The following SPEN variants were observed in gnomAD, a reference collection of about 807,000 sequenced individuals.
SPEN encodes spen family transcriptional repressor, also known as msx2-interacting protein.
In SPEN, 18 loss-of-function variants were observed where a neutral mutation model predicts 269.9. The ratio of observed to expected loss-of-function variants is 0.07; its 90% CI spans 0.05 to 0.10. SPEN has a LOEUF of 0.10. SPEN is among the 10% of genes least tolerant of loss of function. The pLI is 1.00. For missense variants in SPEN, 3,822 were observed against 4,631.2 expected (o/e 0.83, Z 5.07); for synonymous variants, 1,726 against 1,765.7 (o/e 0.98, Z 0.56).
rs1194015990 is a variant in SPEN at position 15,910,297 on chromosome 1, C to T, written c.1043-804C>T. ...AAAATTGGCTTGCCTTTCTATACAC[C>T]TTTTATATTTCTAATAAAGCAAATT... On this transcript the variant is annotated intron_variant, in intron 4 of 14. Transcript: ENST00000375759. 2.0e-5 allele frequency among the ~76,000 whole-genome samples: 3 copies of T among 151,964 alleles called. No homozygotes were observed. The East Asian group carries it at 5.8e-4, about 29-fold the overall frequency.
At chr1:15,867,436 A>T (rs532292393) in intron 1 of SPEN, among the ~76,000 whole-genome samples, 6 of 152,044 alleles carry the variant, frequency 3.9e-5, no homozygotes, top group Non-Finnish European at 8.8e-5. Flanking sequence ...GAGCTCAAGC[A>T]ATCTGCCCAC....
chr1:15,928,914 G>T lies in SPEN; in HGVS notation c.2674G>T (p.Asp892Tyr). 1 of 1,614,214 alleles carries T rather than the reference G, an allele frequency of 6.2e-7. No homozygotes were observed. The highest frequency in any genetic ancestry group is 8.5e-7 in the Non-Finnish European group (1 of 1,180,038). Residue 892 changes from aspartate to tyrosine, a missense_variant, in exon 11 of 15, where the codon GAC (aspartate) becomes TAC (tyrosine). By Grantham distance (160) the Asp-to-Tyr change is radical (BLOSUM62 -3). This residue lies in a region of SPEN where 572 missense variants were observed against 582.6 expected (regional missense o/e 0.98). Transcript: ENST00000375759. The surrounding 1 kb of genome is among the most constrained non-coding windows in gnomAD (Gnocchi z 5.7). ...GAAAGAGAAAGAGGGAAAGGTCATT[G>T]ACCACACTCCTGTGGAAAAGTTGAA... ...RVKEKEGKVI[D>Y]HTPVEKLKAK...
At chr1:15,912,249 C>T (rs1006368939) in intron 5 of SPEN, among the ~76,000 whole-genome samples, 2 of 152,194 alleles carry the variant, frequency 1.3e-5, no homozygotes, top group African/African-American at 4.8e-5. Context: ...GCCTGCAGTA[C>T]TTGTTTAAAA....
chr1:15,938,448 G>A, intron 13 of SPEN: 1 of 366,130 alleles, frequency 2.7e-6, no homozygotes, highest in South Asian at 3.7e-5. Context: ...GCAATGAAGG[G>A]TCCACTATGC....
rs768190118 is a variant in SPEN, at chr1:15,932,549, G to C, written c.6309G>C (p.Arg2103Ser). Residue 2103 changes from arginine (R) to serine (S), a missense_variant, in exon 11 of 15, where the codon AGG becomes AGC. By Grantham distance (110) the Arg-to-Ser change is moderately radical. This residue lies in a region of SPEN where 727 missense variants were observed against 737.9 expected (regional missense o/e 0.99). Transcript: ENST00000375759. This position sits in a 1 kb window ranked among gnomAD's most constrained non-coding sequence, Gnocchi z 4.2. ...ATGTGGATGCTGCTGTCAGTCCCAGGGGGGCTGCAGCACAGGCAGGGGAGA... is the reference window on the plus strand; with the variant it reads ...ATGTGGATGCTGCTGTCAGTCCCAGCGGGGCTGCAGCACAGGCAGGGGAGA... ...LKNVDAAVSP[R>S]GAAAQAGERE... is the part of the protein sequence containing the mutation. 4 of 1,599,852 alleles carry C rather than the reference G, an allele frequency of 2.5e-6. No individual in the cohort carries two copies. The highest frequency in any genetic ancestry group is 1.1e-5 in the South Asian group (1 of 89,560).
chr1:15,875,020 T>G (rs940734676), intron 2 of SPEN, among the ~76,000 whole-genome samples: 8 of 152,154 alleles, frequency 5.3e-5, no homozygotes, highest in African/African-American at 1.9e-4. Flanking sequence ...AGATTCTAAT[T>G]CTTTATGTTT....
intron 2 of SPEN, chr1:15,874,487 C>T (rs1410224211): frequency 2.0e-6 from 2 of 976,134 alleles, no homozygotes; most frequent in African/African-American, 3.4e-5. Flanking sequence ...GTATTTAGTA[C>T]TAATAGTGAA....
chr1:15,878,016 A>G (rs957623500), intron 3 of SPEN, among the ~76,000 whole-genome samples: 3 of 152,064 alleles, frequency 2.0e-5, no homozygotes, highest in Non-Finnish European at 4.4e-5. Flanking sequence ...GAGTGTTGGG[A>G]TTACCAGTGT....
intron 10 of SPEN, among the ~76,000 whole-genome samples, chr1:15,926,592 CA>C (rs2071170107): frequency 6.6e-6 from 1 of 151,918 alleles, no homozygotes; most frequent in Admixed American, 6.5e-5. Context: ...ATTCTTTCAA[CA>C]AATAGTTGAG....
rs1557762276 is a variant in SPEN, at chr1:15,934,808, C to G, written c.8568C>G (p.Val2856=). Residue 2856 remains valine (V), a synonymous_variant, in exon 11 of 15, where the codon GTC becomes GTG. Transcript: ENST00000375759. This position sits in a 1 kb window ranked among gnomAD's most constrained non-coding sequence, Gnocchi z 9.2. ...EFQQSVSKSQ[V]KPDSVTASQP... ...AGCAGTCAGTGTCCAAGTCCCAGGT[C>G]AAACCTGATTCTGTCACAGCATCGC... 2 of 1,614,200 alleles carry G rather than the reference C, an allele frequency of 1.2e-6. No homozygotes were observed. Among genetic ancestry groups the G allele is most frequent in the Non-Finnish European group, 1.7e-6 (2 of 1,180,028 alleles).
intron 3 of SPEN, among the ~76,000 whole-genome samples, chr1:15,908,606 A>G (rs1193028009): frequency 1.3e-5 from 2 of 152,084 alleles, no homozygotes; most frequent in Non-Finnish European, 2.9e-5. Flanking sequence ...TATTTTTAGT[A>G]GAGACGGGTT....
intron 3 of SPEN, among the ~76,000 whole-genome samples, chr1:15,898,960 T>TC (rs1445895266): frequency 6.6e-6 from 1 of 152,190 alleles, no homozygotes; most frequent in African/African-American, 2.4e-5. Context: ...TTGGGTTGCT[T>TC]CCACCTTTTG....
At chr1:15,850,688 A>T (rs191754273) in intron 1 of SPEN, among the ~76,000 whole-genome samples, 91 of 152,338 alleles carry the variant, frequency 6.0e-4, no homozygotes, top group African/African-American at 2.2e-3. Context: ...ATTGTGGGAT[A>T]TATTTTGTAA....
At chr1:15,888,098 T>C in intron 3 of SPEN, among the ~76,000 whole-genome samples, 1 of 151,738 alleles carries the variant, frequency 6.6e-6, no homozygotes, top group Non-Finnish European at 1.5e-5. Flanking sequence ...ACAAATTTTA[T>C]TTTATTTTAT....
chr1:15,909,627 G>C (rs537400106), intron 4 of SPEN, 146 bp downstream of exon 4: 4 of 881,926 alleles, frequency 4.5e-6, no homozygotes, highest in Non-Finnish European at 6.9e-6. Context: ...GGAAAGCCAT[G>C]AATAATGGAA....
chr1:15,919,058 G>A lies in SPEN; in HGVS notation c.1521+7G>A. The A allele has an allele frequency of 6.2e-7, 1 of 1,604,026 alleles. No homozygotes were observed. The highest frequency in any genetic ancestry group is 1.3e-5 in the African/African-American group (1 of 74,524). On this transcript the variant is annotated splice_region_variant and intron_variant, in intron 7 of 14. Coordinates refer to ENST00000375759, the MANE Select transcript of SPEN (RefSeq NM_015001.3). The stretch of plus-strand genomic sequence containing the variant: ...TGGAAATAATCGCCTCAAGGTAAAT[G>A]AATTTGCATAAATTATTGTGCTGTT...
At position 15,862,721 on chromosome 1, in the gene SPEN, C is replaced by T. The variant is rs544470719; in HGVS notation, c.84-10095C>T. Among the ~76,000 whole-genome samples, 10 of 150,184 alleles carry T rather than the reference C, an allele frequency of 6.7e-5. No homozygotes were observed. In the South Asian group the frequency reaches 8.4e-4, roughly 13 times the overall value. On this transcript the variant is annotated intron_variant, in intron 1 of 14. Transcript: ENST00000375759. ...TGTATGTGCATAAATAATTTTTTTTCGGTGAAGTGCGGGTAGCTCATGCCT... is the reference window on the plus strand; with the variant it reads ...TGTATGTGCATAAATAATTTTTTTTTGGTGAAGTGCGGGTAGCTCATGCCT...
At chr1:15,854,556 C>G (rs556911816) in intron 1 of SPEN, among the ~76,000 whole-genome samples, 43 of 152,044 alleles carry the variant, frequency 2.8e-4, no homozygotes, top group Middle Eastern at 3.4e-3. Flanking sequence ...GGTGCTATCT[C>G]GGCTCACCGC....
At position 15,847,814 on chromosome 1, in the gene SPEN, G is replaced by C. The variant is rs899535440; in HGVS notation, c.-254G>C. ...CCCGCCCGCCCCTGCCCGGGCGCAT[G>C]CGCTGCCGGAGCGCGAGGGTCGGCT... On this transcript the variant is annotated 5_prime_UTR_variant, in exon 1 of 15. The change abolishes an upstream ATG in the 5' untranslated region. Coordinates refer to ENST00000375759, the MANE Select transcript of SPEN (RefSeq NM_015001.3). The C allele has an allele frequency of 2.2e-5, 5 of 232,478 alleles. No homozygotes were observed. The highest frequency in any genetic ancestry group is 4.2e-5 in the Non-Finnish European group (5 of 119,316). The allele number at this position is 232,478 out of a possible 1,614,324, so 14.4% of individuals were successfully genotyped here.
Sources: allele counts gnomAD v4.1 joint callset (sites outside exome capture counted in the v4.1 genomes callset), GRCh38; gene constraint gnomAD v4.1.1; regional missense constraint gnomAD v4.1.1; non-coding constraint Gnocchi (gnomAD v3.1); transcripts MANE v1.5; gene names NCBI Gene and HGNC (gene_info 2026-07-23, HGNC 2026-07-21).